DGKG: variants seen among roughly 807,000 people sequenced by gnomAD.
DGKG encodes the protein diacylglycerol kinase gamma.
In DGKG, 78 loss-of-function variants were observed where a neutral mutation model predicts 105.3. The ratio of observed to expected loss-of-function variants is 0.74; its 90% CI spans 0.62 to 0.89. The LOEUF is 0.89. DGKG is among the 40% of genes least tolerant of loss of function. The probability of loss-of-function intolerance (pLI) is 0.00; values close to 1 mark genes in which losing one functional copy is unlikely to be tolerated. For synonymous variants in DGKG, 346 were observed against 367.1 expected (o/e 0.94, Z 0.66); for missense variants, 958 against 1,020.1 (o/e 0.94, Z 0.83).
At chr3:186,298,290 G>A in intron 3 of DGKG, 61 bp from the exon 4 acceptor site, 7 of 1,471,852 alleles carry the variant, frequency 4.8e-6, no homozygotes, top group Non-Finnish European at 6.4e-6. Flanking sequence ...GAGGAAGAGA[G>A]AAGGAAAAGG....
rs1212222874 is a variant in DGKG, at chr3:186,282,823, A to G, written c.594+1837T>C. ...GAACTACTGCACCCAGAGTACAGTGATTCTGTTAAAACATAAGTCAATCAC... is the reference window on the plus strand; with the variant it reads ...GAACTACTGCACCCAGAGTACAGTGGTTCTGTTAAAACATAAGTCAATCAC... On this transcript the variant is annotated intron_variant, in intron 7 of 24. Transcript: ENST00000265022. 2.6e-5 allele frequency among the ~76,000 whole-genome samples: 4 copies of G among 152,132 alleles called. No homozygotes were observed. The East Asian group carries it at 7.7e-4, about 29-fold the overall frequency.
At chr3:186,285,949 G>C (rs975743407) in intron 6 of DGKG, among the ~76,000 whole-genome samples, 1 of 152,148 alleles carries the variant, frequency 6.6e-6, no homozygotes, top group African/African-American at 2.4e-5. Flanking sequence ...AAAGTGCTGG[G>C]ATTACAGGCG....
chr3:186,149,442 CA>C lies in DGKG; in HGVS notation c.*647del, dbSNP rs978667770. 3 of 985,322 alleles carry C rather than the reference CA, an allele frequency of 3.0e-6. No homozygotes were observed. The highest frequency in any genetic ancestry group is 3.5e-5 in the African/African-American group (2 of 57,236). The allele number at this position is 985,322 out of a possible 1,614,324, so 61.0% of individuals were successfully genotyped here. A position where few individuals can be genotyped will look rare whatever the true frequency, so the allele number is the denominator to read the frequency against. On this transcript the variant is annotated 3_prime_UTR_variant, in exon 25 of 25. Coordinates refer to ENST00000265022, the MANE Select transcript of DGKG (RefSeq NM_001346.3). ...CCAGGAGAAGGTTCCTGGAAAATAA[CA>C]AGTGCCCACCGACGGCGCAGAAACC...
chr3:186,275,674 T>A lies in DGKG; in HGVS notation c.793-10A>T. 1 of 1,606,620 alleles carries A rather than the reference T, an allele frequency of 6.2e-7. No individual in the cohort carries two copies. Among genetic ancestry groups the A allele is most frequent in the Non-Finnish European group, 8.5e-7 (1 of 1,174,900 alleles). ...CATCCCCCTTGGAGCCCTGCAGGGG[T>A]AATAGGAGGTGAGACCCCAAGCTGG... On this transcript the variant is annotated splice_polypyrimidine_tract_variant and intron_variant, in intron 9 of 24. Coordinates refer to ENST00000265022, the MANE Select transcript of DGKG (RefSeq NM_001346.3).
chr3:186,204,803 A>G (rs73054196), intron 21 of DGKG, among the ~76,000 whole-genome samples: 5,148 of 152,204 alleles, frequency 0.034, 267 homozygotes, highest in African/African-American at 0.12. Context: ...GCTGGGTCAT[A>G]TAGGCTATAA....
chr3:186,147,240 A>G lies in DGKG; in HGVS notation c.*2850T>C, dbSNP rs1715547127. On this transcript the variant is annotated 3_prime_UTR_variant, in exon 25 of 25. Coordinates refer to ENST00000265022, the MANE Select transcript of DGKG (RefSeq NM_001346.3). ...TTTTTATTGCTGTTGGGGTAGAAGC[A>G]TGGGGGGCAGGTGAGAACATGTTTG... 1.0e-6 allele frequency: 1 copy of G among 985,860 alleles called. No homozygotes were observed. Among genetic ancestry groups the G allele is most frequent in the Admixed American group, 6.1e-5 (1 of 16,264 alleles). 61.1% of individuals were successfully genotyped at this position (985,860 alleles called of 1,614,324 possible).
intron 10 of DGKG, among the ~76,000 whole-genome samples, chr3:186,274,972 C>T (rs1309732065): frequency 2.6e-5 from 4 of 152,132 alleles, no homozygotes; most frequent in African/African-American, 7.2e-5. Flanking sequence ...CACTGTCTTC[C>T]ACAATGGTTG....
intron 7 of DGKG, among the ~76,000 whole-genome samples, chr3:186,283,395 C>T (rs1020632551): frequency 3.9e-5 from 6 of 152,122 alleles, no homozygotes; most frequent in South Asian, 2.1e-4. Flanking sequence ...TCAGGACCCT[C>T]GCACTCACTG....
intron 13 of DGKG, among the ~76,000 whole-genome samples, chr3:186,265,818 A>G (rs1722028758): frequency 6.6e-6 from 1 of 151,604 alleles, no homozygotes; most frequent in African/African-American, 2.4e-5. Flanking sequence ...GCGTGCCACC[A>G]CGCCCAGCTA....
intron 3 of DGKG, among the ~76,000 whole-genome samples, chr3:186,300,472 C>A (rs1267627955): frequency 6.6e-6 from 1 of 152,190 alleles, no homozygotes; most frequent in Admixed American, 6.5e-5. Flanking sequence ...TTCATCTTCT[C>A]TTCTTTTTAA....
intron 17 of DGKG, among the ~76,000 whole-genome samples, chr3:186,257,111 C>T (rs1721514763): frequency 6.6e-6 from 1 of 152,224 alleles, no homozygotes; most frequent in African/African-American, 2.4e-5. Context: ...CAGGGCTCAT[C>T]GCTCAGGGCC....
chr3:186,185,063 C>T (rs577164144), intron 22 of DGKG, among the ~76,000 whole-genome samples: 14 of 152,112 alleles, frequency 9.2e-5, no homozygotes, highest in Admixed American at 2.6e-4. Context: ...AAACTGAGAC[C>T]CAAGAAGGGG....
At chr3:186,201,846 A>G (rs1054020927) in intron 21 of DGKG, among the ~76,000 whole-genome samples, 8 of 152,238 alleles carry the variant, frequency 5.3e-5, no homozygotes, top group Non-Finnish European at 2.9e-5. Flanking sequence ...GTATAGAATG[A>G]ATAAGATAAA....
chr3:186,238,402 G>A (rs769279998), intron 20 of DGKG, among the ~76,000 whole-genome samples: 1 of 150,550 alleles, frequency 6.6e-6, no homozygotes. Context: ...CATATTATAC[G>A]ACTTCCTGTA....
Position 186,211,094 on chromosome 3 carries a change from A to C in DGKG, c.1917+701T>G, listed in dbSNP as rs367562169. ...CAGACTGTCTGAGGCAGGCCCCTAC[A>C]AGTGCCGGAAGAGTTAGTGAAACAC... On this transcript the variant is annotated intron_variant, in intron 21 of 24. Coordinates refer to ENST00000265022, the MANE Select transcript of DGKG (RefSeq NM_001346.3). 1.6e-4 allele frequency among the ~76,000 whole-genome samples: 25 copies of C among 152,332 alleles called. 1 individual carries two copies. In the South Asian group the frequency reaches 4.3e-3, roughly 26 times the overall value.
intron 20 of DGKG, among the ~76,000 whole-genome samples, chr3:186,222,463 C>T (rs778965253): frequency 1.3e-5 from 2 of 152,202 alleles, no homozygotes; most frequent in Non-Finnish European, 2.9e-5. Flanking sequence ...TTGGGCAAAT[C>T]ATTTAGTCTG....
intron 1 of DGKG, among the ~76,000 whole-genome samples, chr3:186,339,271 TG>T (rs1441636320): frequency 2.0e-5 from 3 of 152,148 alleles, no homozygotes; most frequent in Non-Finnish European, 4.4e-5. Flanking sequence ...TAAAGCCCAT[TG>T]GGGATATCAC....
At chr3:186,342,962 C>G (rs950918198) in intron 1 of DGKG, among the ~76,000 whole-genome samples, 2 of 151,936 alleles carry the variant, frequency 1.3e-5, no homozygotes, top group African/African-American at 4.8e-5. Flanking sequence ...AGGCACACAA[C>G]CAAGGAACAT....
chr3:186,306,725 A>G, intron 3 of DGKG, 176 bp downstream of exon 3: 1 of 595,218 alleles, frequency 1.7e-6, no homozygotes, highest in Middle Eastern at 2.7e-4. Flanking sequence ...GAATGAGTGT[A>G]TGGGCTTGGG....
Sources: allele counts gnomAD v4.1 joint callset (sites outside exome capture counted in the v4.1 genomes callset), GRCh38; gene constraint gnomAD v4.1.1; transcripts MANE v1.5; gene names NCBI Gene and HGNC (gene_info 2026-07-23, HGNC 2026-07-21).